NRG3: variants seen among roughly 807,000 people sequenced by gnomAD.
The protein encoded by NRG3 is pro-neuregulin-3, membrane-bound isoform.
Under a neutral mutation model 66.9 loss-of-function variants are expected in NRG3, and 31 were observed. The ratio of observed to expected loss-of-function variants is 0.46; its 90% CI spans 0.35 to 0.63. The LOEUF is 0.63. Ranked by LOEUF, NRG3 falls within the 20% of genes least tolerant of loss-of-function variation. The pLI, the probability that NRG3 is intolerant of heterozygous loss-of-function variation, is 0.00. For synonymous variants in NRG3, 393 were observed against 359.4 expected (o/e 1.09, Z -1.06); for missense variants, 910 against 878.9 (o/e 1.04, Z -0.45).
intron 1 of NRG3, among the ~76,000 whole-genome samples, chr10:82,104,070 C>G (rs1001074295): frequency 1.3e-5 from 2 of 151,754 alleles, no homozygotes; most frequent in Non-Finnish European, 2.9e-5. Context: ...AAAAAGTGCA[C>G]TTTCCCTCAT....
rs1389208563 is a variant in NRG3 at position 82,483,398 on chromosome 10, T to C, written c.953+124530T>C. Among the ~76,000 whole-genome samples the C allele has an allele frequency of 2.0e-5, 3 of 152,216 alleles. No individual in the cohort carries two copies. The East Asian group carries it at 5.8e-4, about 29-fold the overall frequency. The stretch of plus-strand genomic sequence containing the variant: ...CTCTCAAAGCAGCTTCCTTGCTTGG[T>C]CATCTCAAACTCCGTGGACCTTTGT... On this transcript the variant is annotated intron_variant, in intron 2 of 8. Transcript: ENST00000372141.
chr10:82,045,474 G>A (rs2063237725), intron 1 of NRG3, among the ~76,000 whole-genome samples: 1 of 64,236 alleles, frequency 1.6e-5, no homozygotes, highest in South Asian at 1.1e-3. Flanking sequence ...TTAGCCCTTT[G>A]TCAGATGAGT....
chr10:82,284,944 C>A (rs1048402138), intron 1 of NRG3, among the ~76,000 whole-genome samples: 1 of 152,084 alleles, frequency 6.6e-6, no homozygotes, highest in Non-Finnish European at 1.5e-5. Flanking sequence ...CGTTTAAAAT[C>A]CATTTGGCTT....
At chr10:82,928,572 C>T (rs1362644991) in intron 4 of NRG3, among the ~76,000 whole-genome samples, 8 of 150,274 alleles carry the variant, frequency 5.3e-5, no homozygotes, top group Non-Finnish European at 8.8e-5. Flanking sequence ...AGCCAGTTCT[C>T]CCAACACCAT....
At chr10:82,537,507 G>C (rs1298049051) in intron 2 of NRG3, among the ~76,000 whole-genome samples, 2 of 152,098 alleles carry the variant, frequency 1.3e-5, no homozygotes, top group African/African-American at 2.4e-5. Context: ...ACCTTTAATA[G>C]AGTTTGATAA....
rs17099598 is a variant in NRG3 at position 82,211,113 on chromosome 10, A to C, written c.824-147626A>C. On this transcript the variant is annotated intron_variant, in intron 1 of 8. Coordinates refer to ENST00000372141, the MANE Select transcript of NRG3 (RefSeq NM_001010848.4). ...TCCAGATGGTCTTCCTTGTCTTTTCATTCTCTTTGGAAGATAATATTAAAA... is the reference window on the plus strand; with the variant it reads ...TCCAGATGGTCTTCCTTGTCTTTTCCTTCTCTTTGGAAGATAATATTAAAA... Among the ~76,000 whole-genome samples the C allele has an allele frequency of 7.7e-3, 1,176 of 152,218 alleles. 17 individuals are homozygous for C. Among genetic ancestry groups the C allele is most frequent in the African/African-American group, 0.026 (1,100 of 41,548 alleles).
At chr10:82,190,753 G>A (rs1171943592) in intron 1 of NRG3, among the ~76,000 whole-genome samples, 1 of 152,156 alleles carries the variant, frequency 6.6e-6, no homozygotes, top group Admixed American at 6.5e-5. Flanking sequence ...CGCAGCCAAG[G>A]CAGAGTAGCT....
chr10:82,597,742 G>A (rs1417752913), intron 2 of NRG3, among the ~76,000 whole-genome samples: 7 of 152,160 alleles, frequency 4.6e-5, no homozygotes, highest in African/African-American at 1.7e-4. Flanking sequence ...CCAACATGGT[G>A]AAACCCCGTC....
chr10:82,324,560 TA>T (rs1446264325), intron 1 of NRG3, among the ~76,000 whole-genome samples: 1 of 152,202 alleles, frequency 6.6e-6, no homozygotes, highest in Non-Finnish European at 1.5e-5. Flanking sequence ...ACCAGTGCTA[TA>T]AATTTCCCAC....
At chr10:82,205,526 C>G (rs939395609) in intron 1 of NRG3, among the ~76,000 whole-genome samples, 17 of 152,106 alleles carry the variant, frequency 1.1e-4, no homozygotes, top group African/African-American at 3.1e-4. Context: ...AGGACAATAT[C>G]ATCAAAGACA....
At chr10:82,421,305 G>A (rs1201549207) in intron 2 of NRG3, among the ~76,000 whole-genome samples, 1 of 151,998 alleles carries the variant, frequency 6.6e-6, no homozygotes, top group Non-Finnish European at 1.5e-5. Flanking sequence ...TGCAGAATTT[G>A]GGAAACATCT....
intron 2 of NRG3, among the ~76,000 whole-genome samples, chr10:82,418,627 A>C (rs1390482238): frequency 2.6e-5 from 4 of 152,098 alleles, no homozygotes; most frequent in African/African-American, 4.8e-5. Context: ...TAAAGGCAGG[A>C]TCTCACTCTG....
intron 1 of NRG3, among the ~76,000 whole-genome samples, chr10:81,974,424 T>C (rs1354215114): frequency 6.6e-6 from 1 of 152,118 alleles, no homozygotes; most frequent in Non-Finnish European, 1.5e-5. Flanking sequence ...AGCCAATCAC[T>C]GAGACAACAG....
intron 1 of NRG3, among the ~76,000 whole-genome samples, chr10:82,179,162 A>G (rs1411840844): frequency 6.6e-6 from 1 of 151,940 alleles, no homozygotes; most frequent in East Asian, 1.9e-4. Flanking sequence ...TTTATCAGAT[A>G]TATGGTTGGA....
At chr10:82,484,842 T>A (rs1174621282) in intron 2 of NRG3, among the ~76,000 whole-genome samples, 3 of 152,084 alleles carry the variant, frequency 2.0e-5, no homozygotes, top group Admixed American at 6.6e-5. Context: ...ACTTCCAGAG[T>A]CTCTAATCTC....
chr10:82,114,207 T>G (rs2067559827), intron 1 of NRG3, among the ~76,000 whole-genome samples: 1 of 152,186 alleles, frequency 6.6e-6, no homozygotes, highest in Non-Finnish European at 1.5e-5. Context: ...CCCATTTTGT[T>G]CATTCATCTC....
chr10:82,353,573 G>C (rs2083568129), intron 1 of NRG3, among the ~76,000 whole-genome samples: 1 of 151,988 alleles, frequency 6.6e-6, no homozygotes, highest in South Asian at 2.1e-4. Context: ...ACCTCCCTGG[G>C]GATAGAGACC....
chr10:82,642,522 T>G (rs1264460927), intron 2 of NRG3, among the ~76,000 whole-genome samples: 2 of 151,876 alleles, frequency 1.3e-5, no homozygotes, highest in African/African-American at 2.4e-5. Context: ...CAACTACTAA[T>G]TTATAGAAAA....
chr10:81,901,618 C>T (rs866791159), intron 1 of NRG3, among the ~76,000 whole-genome samples: 5 of 151,910 alleles, frequency 3.3e-5, no homozygotes, highest in African/African-American at 7.3e-5. Context: ...ACAGTGATAC[C>T]GATTGCATCA....
Sources: gnomAD v4.1 joint callset for allele counts (sites outside exome capture counted in the v4.1 genomes callset) on GRCh38, gnomAD v4.1.1 for gene constraint, MANE v1.5 for transcripts, NCBI Gene and HGNC (gene_info 2026-07-23, HGNC 2026-07-21) for gene names.